Variants in PTPRM observed in about 807,000 individuals in gnomAD.
PTPRM encodes the protein protein tyrosine phosphatase receptor type M, also known as receptor-type tyrosine-protein phosphatase mu.
PTPRM carries 47 observed loss-of-function variants against 186.7 expected under a neutral mutation model. The observed-to-expected ratio is 0.25, with a 90% confidence interval of 0.20 to 0.32. The LOEUF (loss-of-function observed/expected upper bound fraction) is 0.32. Ranked by LOEUF, PTPRM falls within the 10% of genes least tolerant of loss-of-function variation. The probability of loss-of-function intolerance (pLI) is 1.00; values close to 1 mark genes in which losing one functional copy is unlikely to be tolerated. For synonymous variants in PTPRM, 668 were observed against 674.9 expected, an observed-to-expected ratio of 0.99 and a Z score of 0.16; for missense variants, 1,494 against 1,865.0, an observed-to-expected ratio of 0.80 and a Z score of 3.66.
intron 14 of PTPRM, among the ~76,000 whole-genome samples, chr18:8,201,410 T>A (rs9956824): frequency 0.012 from 1,804 of 152,354 alleles, 31 homozygotes; most frequent in African/African-American, 0.041. Flanking sequence ...ATAATTTTTT[T>A]AAATATGTGA....
At chr18:8,274,609 G>A (rs186063686) in intron 19 of PTPRM, among the ~76,000 whole-genome samples, 23 of 152,236 alleles carry the variant, frequency 1.5e-4, no homozygotes, top group African/African-American at 5.5e-4. Context: ...TTTTCAGAAT[G>A]ACATCCACCT....
rs144928004 is a variant in PTPRM, at chr18:7,849,392, A to G, written c.197-38714A>G. Among the ~76,000 whole-genome samples, 179 of 152,360 alleles carry G rather than the reference A, an allele frequency of 1.2e-3. 1 individual carries two copies. The highest frequency in any genetic ancestry group is 3.9e-3 in the African/African-American group (164 of 41,588). On this transcript the variant is annotated intron_variant, in intron 2 of 32. Coordinates refer to ENST00000580170, the MANE Select transcript of PTPRM (RefSeq NM_001105244.2). ...CCTGCCCTGGCAATCTTTAGCAAAG[A>G]GAATGAATCCTAGATGGGTCTCTTT...
At chr18:8,244,292 A>AAAG (rs1401537740) in intron 15 of PTPRM, 83 bp downstream of exon 15, 1 of 1,347,528 alleles carries the variant, frequency 7.4e-7, no homozygotes, top group Non-Finnish European at 9.8e-7. Context: ...TTCAAAAAAA[A>AAAG]AAAAAGCTTC....
chr18:7,797,586 A>G (rs1302696607), intron 2 of PTPRM, among the ~76,000 whole-genome samples: 1 of 152,238 alleles, frequency 6.6e-6, no homozygotes, highest in Non-Finnish European at 1.5e-5. Context: ...AGTTAGATGC[A>G]TGTGAACTCA....
At chr18:7,783,772 G>GTGTA (rs972530130) in intron 2 of PTPRM, among the ~76,000 whole-genome samples, 2 of 150,852 alleles carry the variant, frequency 1.3e-5, no homozygotes, top group Admixed American at 1.3e-4. Flanking sequence ...GTGTGTGTGT[G>GTGTA]TATGTGTGTG....
chr18:7,886,845 A>G (rs1364113384), intron 2 of PTPRM, among the ~76,000 whole-genome samples: 2 of 152,200 alleles, frequency 1.3e-5, no homozygotes, highest in Non-Finnish European at 2.9e-5. Context: ...AAGGATATCT[A>G]CATCTGTATT....
At chr18:8,202,053 T>C (rs1379246663) in intron 14 of PTPRM, among the ~76,000 whole-genome samples, 1 of 152,204 alleles carries the variant, frequency 6.6e-6, no homozygotes, top group Non-Finnish European at 1.5e-5. Flanking sequence ...CATAAAACAT[T>C]TTGGAAAAAG....
intron 23 of PTPRM, among the ~76,000 whole-genome samples, chr18:8,357,659 A>G (rs1428745969): frequency 2.0e-5 from 3 of 152,348 alleles, no homozygotes; most frequent in East Asian, 3.9e-4. Flanking sequence ...AGATCTCCTT[A>G]GGCAACGAAA....
intron 7 of PTPRM, among the ~76,000 whole-genome samples, chr18:7,993,146 A>T (rs2083350068): frequency 1.3e-5 from 2 of 151,958 alleles, no homozygotes; most frequent in African/African-American, 4.8e-5. Context: ...GACTAAAGTT[A>T]AAGATAGGTC....
intron 1 of PTPRM, among the ~76,000 whole-genome samples, chr18:7,637,783 A>G (rs1299611858): frequency 2.0e-5 from 3 of 152,186 alleles, no homozygotes; most frequent in Non-Finnish European, 4.4e-5. Context: ...ATTGAATACT[A>G]TGTTTCATAG....
chr18:8,229,522 G>C (rs1351305441), intron 14 of PTPRM, among the ~76,000 whole-genome samples: 3 of 151,932 alleles, frequency 2.0e-5, no homozygotes. Context: ...AAGGATATTG[G>C]GTGTATTTTT....
intron 7 of PTPRM, among the ~76,000 whole-genome samples, chr18:8,040,206 G>C (rs1237264571): frequency 1.3e-5 from 2 of 152,138 alleles, no homozygotes; most frequent in East Asian, 3.9e-4. Context: ...TGCTTTCTTA[G>C]AGTGTCTACC....
intron 21 of PTPRM, among the ~76,000 whole-genome samples, chr18:8,317,559 A>C (rs1272170671): frequency 4.6e-5 from 7 of 152,112 alleles, no homozygotes. Context: ...AGAGAATGAG[A>C]GCAGATGGAG....
At chr18:8,152,105 A>G (rs1170903037) in intron 14 of PTPRM, among the ~76,000 whole-genome samples, 2 of 152,152 alleles carry the variant, frequency 1.3e-5, no homozygotes, top group East Asian at 1.9e-4. Context: ...CTATTCAGCC[A>G]TCTTGCCAGC....
chr18:7,745,215 C>G (rs1012179434), intron 1 of PTPRM, among the ~76,000 whole-genome samples: 1 of 152,186 alleles, frequency 6.6e-6, no homozygotes. Flanking sequence ...GGCAATACGT[C>G]TAACCCTTTA....
At chr18:8,021,977 A>G (rs374595829) in intron 7 of PTPRM, among the ~76,000 whole-genome samples, 1 of 152,210 alleles carries the variant, frequency 6.6e-6, no homozygotes, top group Non-Finnish European at 1.5e-5. Context: ...ACATACATTT[A>G]TAGATTTGTG....
At chr18:8,306,564 C>A (rs2095224297) in intron 20 of PTPRM, among the ~76,000 whole-genome samples, 1 of 152,200 alleles carries the variant, frequency 6.6e-6, no homozygotes, top group African/African-American at 2.4e-5. Flanking sequence ...ATACCAAGTC[C>A]TCATAGTCTT....
chr18:8,006,566 G>A (rs544562284), intron 7 of PTPRM, among the ~76,000 whole-genome samples: 3 of 152,240 alleles, frequency 2.0e-5, no homozygotes, highest in South Asian at 2.1e-4. Context: ...GGCTTTTCCC[G>A]GGAGTGGAAT....
chr18:8,272,526 T>C (rs1224936856), intron 19 of PTPRM, among the ~76,000 whole-genome samples: 1 of 152,112 alleles, frequency 6.6e-6, no homozygotes, highest in Non-Finnish European at 1.5e-5. Context: ...TATTAAATAT[T>C]TTTAGTTTTT....
Sources: allele counts gnomAD v4.1 joint callset (sites outside exome capture counted in the v4.1 genomes callset), GRCh38; gene constraint gnomAD v4.1.1; transcripts MANE v1.5; gene names NCBI Gene and HGNC (gene_info 2026-07-23, HGNC 2026-07-21).